Variants in IL1RAPL1 observed in about 807,000 individuals in gnomAD.
The protein encoded by IL1RAPL1 is interleukin-1 receptor accessory protein-like 1.
In IL1RAPL1, 3 loss-of-function variants were observed where a neutral mutation model predicts 48.4. The observed-to-expected ratio is 0.06, with a 90% CI of 0.03 to 0.16. IL1RAPL1 has a LOEUF of 0.16. Ranked by LOEUF, IL1RAPL1 falls within the 10% of genes least tolerant of loss-of-function variation. The probability of loss-of-function intolerance (pLI) is 1.00; values close to 1 mark genes in which losing one functional copy is unlikely to be tolerated. For synonymous variants in IL1RAPL1, 185 were observed against 187.7 expected (o/e 0.99, Z 0.12); for missense variants, 349 against 530.6 (o/e 0.66, Z 3.36).
chrX:29,708,080 T>A (rs1927248815), intron 6 of IL1RAPL1, among the ~76,000 whole-genome samples: 1 of 111,531 alleles, frequency 9.0e-6, no homozygotes, highest in Admixed American at 9.6e-5. Flanking sequence ...ATGTAAGATT[T>A]ATTTTTGTGT....
chrX:29,880,170 C>T (rs1204545078), intron 6 of IL1RAPL1, among the ~76,000 whole-genome samples: 3 of 111,125 alleles, frequency 2.7e-5, no homozygotes, highest in Non-Finnish European at 5.7e-5. Context: ...ATATTTTTTC[C>T]TTTGCTACAT....
chrX:29,802,855 A>G (rs1253607786), intron 6 of IL1RAPL1, among the ~76,000 whole-genome samples: 1 of 91,909 alleles, frequency 1.1e-5, no homozygotes, highest in African/African-American at 4.1e-5. Context: ...ATATGTGTAT[A>G]TACGTGTACA....
At chrX:29,600,445 C>A (rs761963368) in intron 5 of IL1RAPL1, among the ~76,000 whole-genome samples, 1 of 111,755 alleles carries the variant, frequency 8.9e-6, no homozygotes, top group Admixed American at 9.5e-5. Flanking sequence ...GAAGTGGACT[C>A]TGTTAGGGTC....
intron 6 of IL1RAPL1, among the ~76,000 whole-genome samples, chrX:29,766,342 A>AAAAAAATATAT (rs1200679211): frequency 1.9e-4 from 9 of 47,507 alleles, no homozygotes; most frequent in African/African-American, 7.2e-4. Context: ...AAAAAAAAAA[A>AAAAAAATATAT]ATATATATAT....
At chrX:29,109,533 A>G (rs1928518976) in intron 2 of IL1RAPL1, among the ~76,000 whole-genome samples, 1 of 111,036 alleles carries the variant, frequency 9.0e-6, no homozygotes, top group South Asian at 3.8e-4. Context: ...GGTAAGAAAC[A>G]TCAAAGGTCT....
At chrX:28,615,037 C>T (rs962149770) in intron 1 of IL1RAPL1, among the ~76,000 whole-genome samples, 92 of 109,016 alleles carry the variant, frequency 8.4e-4, no homozygotes, top group Non-Finnish European at 6.1e-4. Context: ...TACAGGTGCC[C>T]GCCACCACGC....
chrX:29,286,243 A>G (rs1196238485), intron 3 of IL1RAPL1, among the ~76,000 whole-genome samples: 1 of 111,888 alleles, frequency 8.9e-6, no homozygotes, highest in Non-Finnish European at 1.9e-5. Flanking sequence ...TTTGCTCCAT[A>G]CTTACTGGCT....
chrX:28,839,387 G>C (rs1396077776), intron 2 of IL1RAPL1, among the ~76,000 whole-genome samples: 1 of 110,300 alleles, frequency 9.1e-6, no homozygotes. Flanking sequence ...TTATAAATCT[G>C]TTGATAATTA....
chrX:29,588,712 T>C (rs1031689013), intron 5 of IL1RAPL1, among the ~76,000 whole-genome samples: 1 of 112,002 alleles, frequency 8.9e-6, no homozygotes, highest in East Asian at 2.8e-4. Context: ...TGGCCTCTGT[T>C]GATATTTTCT....
At position 29,637,302 on chromosome X, in the gene IL1RAPL1, A is replaced by G. The variant is rs777508905; in HGVS notation, c.704-31128A>G. The stretch of plus-strand genomic sequence containing the variant: ...ATAACATATATATATATATATATAC[A>G]CATCAAACATTACATATGATGTTAA... On this transcript the variant is annotated intron_variant, in intron 5 of 10. Coordinates refer to ENST00000378993, the MANE Select transcript of IL1RAPL1 (RefSeq NM_014271.4). Among the ~76,000 whole-genome samples the G allele has an allele frequency of 6.0e-3, 635 of 106,713 alleles. 3 individuals are homozygous for G. The highest frequency in any genetic ancestry group is 0.01 in the Non-Finnish European group (527 of 52,150). The allele number at this position is 106,713 out of a possible 115,157, so 92.7% of individuals were successfully genotyped here.
At chrX:29,155,001 T>G (rs1228565748) in intron 2 of IL1RAPL1, among the ~76,000 whole-genome samples, 4 of 110,115 alleles carry the variant, frequency 3.6e-5, no homozygotes, top group Admixed American at 2.9e-4. Flanking sequence ...TTTTCTTTCT[T>G]TCTGTCTTTT....
At chrX:29,386,934 G>A (rs139316474) in intron 3 of IL1RAPL1, among the ~76,000 whole-genome samples, 7 of 112,160 alleles carry the variant, frequency 6.2e-5, no homozygotes, top group Admixed American at 9.4e-5. Context: ...ACATTGCATC[G>A]CCATTGCTGG....
intron 2 of IL1RAPL1, among the ~76,000 whole-genome samples, chrX:29,035,781 A>G (rs1057492569): frequency 2.7e-5 from 3 of 112,796 alleles, no homozygotes; most frequent in African/African-American, 9.7e-5. Flanking sequence ...GAAAATGACT[A>G]ATGAATTTAA....
intron 2 of IL1RAPL1, among the ~76,000 whole-genome samples, chrX:29,062,605 T>C (rs1927367148): frequency 8.9e-6 from 1 of 112,135 alleles, no homozygotes. Context: ...ATAAAAGCAA[T>C]AAAATTTCAA....
chrX:29,021,215 G>GAAAAAAAAAAAAAAAAAAAAAAAAA, intron 2 of IL1RAPL1, among the ~76,000 whole-genome samples: 1 of 41,957 alleles, frequency 2.4e-5, no homozygotes, highest in African/African-American at 9.9e-5. Flanking sequence ...CCGTCTCAAG[G>GAAAAAAAAAAAAAAAAAAAAAAAAA]AAAAAAAAAA....
At chrX:29,836,656 C>T (rs1000608139) in intron 6 of IL1RAPL1, among the ~76,000 whole-genome samples, 10 of 111,804 alleles carry the variant, frequency 8.9e-5, no homozygotes, top group African/African-American at 2.9e-4. Context: ...TGGTCATAAA[C>T]GATACTTCAT....
chrX:29,769,012 C>T (rs943360155), intron 6 of IL1RAPL1, among the ~76,000 whole-genome samples: 8 of 111,054 alleles, frequency 7.2e-5, no homozygotes, highest in African/African-American at 2.6e-4. Flanking sequence ...AAAGGAAGCT[C>T]TAAATATCTC....
At chrX:29,472,530 T>C (rs934359295) in intron 5 of IL1RAPL1, among the ~76,000 whole-genome samples, 1 of 112,268 alleles carries the variant, frequency 8.9e-6, no homozygotes, top group African/African-American at 3.2e-5. Context: ...CCTGAATATA[T>C]AACCATCTTA....
intron 1 of IL1RAPL1, among the ~76,000 whole-genome samples, chrX:28,694,605 C>T (rs751654764): frequency 1.9e-4 from 21 of 111,826 alleles, no homozygotes; most frequent in Non-Finnish European, 2.4e-4. Flanking sequence ...CACTGCTGTA[C>T]CTTTCGTAGG....
Sources: gnomAD v4.1 joint callset for allele counts (sites outside exome capture counted in the v4.1 genomes callset) on GRCh38, gnomAD v4.1.1 for gene constraint, MANE v1.5 for transcripts, NCBI Gene and HGNC (gene_info 2026-07-23, HGNC 2026-07-21) for gene names.